Variants in KLF12 observed in about 807,000 individuals in gnomAD.
The protein encoded by KLF12 is KLF transcription factor 12, also known as Krueppel-like factor 12.
KLF12 carries 9 observed loss-of-function variants against 37.8 expected under a neutral mutation model. That is an observed-to-expected ratio of 0.24 (90% CI 0.14 to 0.42). KLF12 has a LOEUF of 0.42. Among genes scored for constraint, KLF12 ranks in the 10% least tolerant of loss-of-function variants. KLF12 has a pLI of 1.00. For missense variants in KLF12, 411 were observed against 516.0 expected, an observed-to-expected ratio of 0.80 and a Z score of 1.97; for synonymous variants, 208 against 202.1, an observed-to-expected ratio of 1.03 and a Z score of -0.25.
rs1228414261 is a variant in KLF12, at chr13:73,696,344, G to A, written c.1028-673C>T. 2.0e-5 allele frequency among the ~76,000 whole-genome samples: 3 copies of A among 152,168 alleles called. 1 individual carries two copies. The highest frequency in any genetic ancestry group is 6.3e-3 in the Middle Eastern group (2 of 316). The stretch of plus-strand genomic sequence containing the variant: ...CTGAGAAATCATCACGTTGGTCCTA[G>A]AGCTAAAATTCACAGAGAAAAGCTG... On this transcript the variant is annotated intron_variant, in intron 7 of 7. Coordinates refer to ENST00000377669, the MANE Select transcript of KLF12 (RefSeq NM_007249.5).
At chr13:74,186,384 G>A in the KLF12 span, among the ~76,000 whole-genome samples, 2 of 152,090 alleles carry the variant, frequency 1.3e-5, no homozygotes, top group African/African-American at 2.4e-5. Context: ...CCTCACCAAA[G>A]TCCAGTGTTC....
intron 5 of KLF12, among the ~76,000 whole-genome samples, chr13:73,781,517 C>G (rs1294532155): frequency 6.6e-6 from 1 of 152,208 alleles, no homozygotes; most frequent in African/African-American, 2.4e-5. Flanking sequence ...TTGATACCCT[C>G]TTTTAAATAA....
At chr13:74,010,967 T>G (rs1439594734) in intron 1 of KLF12, among the ~76,000 whole-genome samples, 2 of 152,194 alleles carry the variant, frequency 1.3e-5, no homozygotes, top group Non-Finnish European at 2.9e-5. Context: ...CTTATGTAGA[T>G]TTTTTGGCTT....
intron 3 of KLF12, among the ~76,000 whole-genome samples, chr13:73,868,672 T>C (rs1463007533): frequency 3.3e-5 from 5 of 152,120 alleles, no homozygotes; most frequent in African/African-American, 1.2e-4. Flanking sequence ...ATTACAGGCG[T>C]GAGCCACTAC....
intron 3 of KLF12, among the ~76,000 whole-genome samples, chr13:73,928,306 ATCTCACAATGGTTACAAT>A (rs1889501616): frequency 6.6e-6 from 1 of 152,212 alleles, no homozygotes; most frequent in Non-Finnish European, 1.5e-5. Context: ...CTAGGCGATA[ATCTCACAATGGTTACAAT>A]TATCTCTGAG....
At chr13:73,893,115 G>C (rs1257090139) in intron 3 of KLF12, among the ~76,000 whole-genome samples, 3 of 151,798 alleles carry the variant, frequency 2.0e-5, no homozygotes, top group Non-Finnish European at 4.4e-5. Flanking sequence ...ATTTTGAAAA[G>C]GCACTCTTTC....
chr13:73,741,987 C>T (rs1414069763), intron 6 of KLF12, among the ~76,000 whole-genome samples: 2 of 151,292 alleles, frequency 1.3e-5, no homozygotes, highest in Non-Finnish European at 2.9e-5. Context: ...AGAGACTTCA[C>T]TTTCCTGCAG....
At chr13:74,304,186 C>T in the KLF12 span, among the ~76,000 whole-genome samples, 4 of 152,152 alleles carry the variant, frequency 2.6e-5, no homozygotes, top group African/African-American at 9.7e-5. Flanking sequence ...TGACCAAGGG[C>T]CCACATCCAA....
At chr13:73,808,623 T>A (rs1301584389) in intron 5 of KLF12, among the ~76,000 whole-genome samples, 2 of 152,192 alleles carry the variant, frequency 1.3e-5, no homozygotes, top group Admixed American at 6.5e-5. Flanking sequence ...GAACATTTTT[T>A]AAAGTTCATT....
chr13:74,044,679 T>C (rs1026799817), intron 1 of KLF12, among the ~76,000 whole-genome samples: 3 of 151,988 alleles, frequency 2.0e-5, no homozygotes, highest in African/African-American at 7.2e-5. Context: ...ACCCCGTCTC[T>C]ACTAAAATAC....
At chr13:73,882,038 C>T (rs1471518003) in intron 3 of KLF12, among the ~76,000 whole-genome samples, 3 of 152,098 alleles carry the variant, frequency 2.0e-5, no homozygotes, top group African/African-American at 4.8e-5. Context: ...GCTTGTAAAA[C>T]GGAATGTTCT....
intron 5 of KLF12, among the ~76,000 whole-genome samples, chr13:73,799,346 C>T (rs984315299): frequency 1.3e-4 from 19 of 151,992 alleles, no homozygotes; most frequent in African/African-American, 4.4e-4. Context: ...ATCTGCACAA[C>T]GAACCACCAT....
the KLF12 span, among the ~76,000 whole-genome samples, chr13:74,172,655 A>G: frequency 1.3e-5 from 2 of 152,164 alleles, no homozygotes; most frequent in Non-Finnish European, 2.9e-5. Context: ...TGAAACCTTT[A>G]TCTGAAGCCA....
chr13:73,938,835 T>C (rs536201713), intron 3 of KLF12, among the ~76,000 whole-genome samples: 6 of 152,282 alleles, frequency 3.9e-5, no homozygotes, highest in Admixed American at 2.6e-4. Context: ...AGGTGGATAT[T>C]TCCTGGTAGT....
rs1431318395 is a variant in KLF12, at chr13:73,695,298, G to A, written c.*192C>T. On this transcript the variant is annotated 3_prime_UTR_variant, in exon 8 of 8. Transcript: ENST00000377669. ...TGAGCTCCCAGGCCCGGGTAAAGAC[G>A]GTTCTCGTCTAGTCATGATGGGGGT... The A allele has an allele frequency of 8.8e-6, 5 of 567,480 alleles. No individual in the cohort carries two copies. Among genetic ancestry groups the A allele is most frequent in the Admixed American group, 6.2e-5 (2 of 32,244 alleles). The allele number at this position is 567,480 out of a possible 1,614,324, so 35.2% of individuals were successfully genotyped here.
chr13:74,206,866 G>A, the KLF12 span, among the ~76,000 whole-genome samples: 1 of 152,056 alleles, frequency 6.6e-6, no homozygotes, highest in African/African-American at 2.4e-5. Context: ...TAAACATTTG[G>A]CATCTGCCTC....
intron 1 of KLF12, among the ~76,000 whole-genome samples, chr13:74,041,554 G>A (rs377037601): frequency 1.4e-4 from 22 of 152,168 alleles, no homozygotes; most frequent in African/African-American, 5.3e-4. Flanking sequence ...GAGGATGGGG[G>A]CTTTTAAGAG....
chr13:74,045,427 C>G (rs1893517509), intron 1 of KLF12, among the ~76,000 whole-genome samples: 1 of 152,076 alleles, frequency 6.6e-6, no homozygotes, highest in East Asian at 1.9e-4. Context: ...CCAAGGTCAT[C>G]GAACACAAGG....
At chr13:73,716,144 T>C (rs1426597069) in intron 6 of KLF12, among the ~76,000 whole-genome samples, 4 of 152,234 alleles carry the variant, frequency 2.6e-5, no homozygotes, top group Non-Finnish European at 5.9e-5. Context: ...GCATTGTCTT[T>C]AAAGATTAGC....
Sources: allele counts gnomAD v4.1 joint callset (sites outside exome capture counted in the v4.1 genomes callset), GRCh38; gene constraint gnomAD v4.1.1; transcripts MANE v1.5; gene names NCBI Gene and HGNC (gene_info 2026-07-23, HGNC 2026-07-21).